The following UGT1A8 variants were observed in gnomAD, a reference collection of about 807,000 sequenced individuals.
UGT1A8 encodes UDP glucuronosyltransferase family 1 member A8.
UGT1A8 carries 39 observed loss-of-function variants against 45.3 expected under a neutral mutation model. That is an observed-to-expected ratio of 0.86 (90% CI 0.67 to 1.12). The LOEUF (loss-of-function observed/expected upper bound fraction) is 1.12, where lower values mean the gene tolerates loss of function less well. UGT1A8 is among the 50% of genes most tolerant of loss of function. The pLI, the probability that UGT1A8 is intolerant of heterozygous loss-of-function variation, is 0.00. For synonymous variants in UGT1A8, 275 were observed against 249.2 expected (o/e 1.10, Z -0.97); for missense variants, 719 against 664.9 (o/e 1.08, Z -0.90).
chr2:233,639,743 T>C (rs1426744162), intron 1 of UGT1A8, among the ~76,000 whole-genome samples: 1 of 152,170 alleles, frequency 6.6e-6, no homozygotes, highest in Non-Finnish European at 1.5e-5. Flanking sequence ...ACTTTAACAA[T>C]GATGGCAGAT....
chr2:233,757,535 A>AATATATATACATATACATAT (rs376887521), intron 1 of UGT1A8, among the ~76,000 whole-genome samples: 89 of 88,230 alleles, frequency 1.0e-3, no homozygotes, highest in African/African-American at 2.6e-3. Context: ...GCCTGTAAGG[A>AATATATATACATATACATAT]ATATATATAT....
At chr2:233,731,449 C>T (rs2078164021) in intron 1 of UGT1A8, among the ~76,000 whole-genome samples, 1 of 152,132 alleles carries the variant, frequency 6.6e-6, no homozygotes, top group South Asian at 2.1e-4. Flanking sequence ...CCCCACCCCA[C>T]AACAGGCCCT....
chr2:233,728,197 T>C (rs2077689695), intron 1 of UGT1A8, among the ~76,000 whole-genome samples: 1 of 152,224 alleles, frequency 6.6e-6, no homozygotes, highest in Non-Finnish European at 1.5e-5. Flanking sequence ...TGGTGCTGGA[T>C]TGACTTGGAG....
At chr2:233,622,678 C>T (rs1364972733) in intron 1 of UGT1A8, among the ~76,000 whole-genome samples, 1 of 152,102 alleles carries the variant, frequency 6.6e-6, no homozygotes, top group Non-Finnish European at 1.5e-5. Context: ...TCATAGGTTG[C>T]CTTTTCACTC....
intron 1 of UGT1A8, among the ~76,000 whole-genome samples, chr2:233,728,172 A>G (rs1397087886): frequency 6.6e-6 from 1 of 152,220 alleles, no homozygotes; most frequent in Admixed American, 6.5e-5. Context: ...TGGAGGAACC[A>G]TTCTTATCAG....
At chr2:233,625,786 C>T (rs1241102040) in intron 1 of UGT1A8, among the ~76,000 whole-genome samples, 2 of 151,686 alleles carry the variant, frequency 1.3e-5, no homozygotes, top group East Asian at 3.9e-4. Flanking sequence ...CTATGGACTA[C>T]TAAAGGGGAG....
At chr2:233,666,339 G>A (rs1221310923) in intron 1 of UGT1A8, among the ~76,000 whole-genome samples, 1 of 152,214 alleles carries the variant, frequency 6.6e-6, no homozygotes, top group Non-Finnish European at 1.5e-5. Flanking sequence ...GGGAGGGACA[G>A]ATAATTCAGC....
At chr2:233,749,234 A>T (rs1694147769) in intron 1 of UGT1A8, among the ~76,000 whole-genome samples, 1 of 151,936 alleles carries the variant, frequency 6.6e-6, no homozygotes, top group Admixed American at 6.5e-5. Flanking sequence ...CATTTTTTAA[A>T]ATCAAACCAC....
At chr2:233,759,139 A>C (rs1697067620) in intron 1 of UGT1A8, among the ~76,000 whole-genome samples, 1 of 152,242 alleles carries the variant, frequency 6.6e-6, no homozygotes, top group Non-Finnish European at 1.5e-5. Flanking sequence ...TACGCAATGA[A>C]GGTGAGTTCC....
chr2:233,631,059 C>T (rs2073177822), intron 1 of UGT1A8, among the ~76,000 whole-genome samples: 1 of 151,986 alleles, frequency 6.6e-6, no homozygotes, highest in Non-Finnish European at 1.5e-5. Context: ...TTGTCCAACT[C>T]CTACTTGCAA....
At chr2:233,660,872 C>T (rs1433336441) in intron 1 of UGT1A8, among the ~76,000 whole-genome samples, 1 of 152,092 alleles carries the variant, frequency 6.6e-6, no homozygotes, top group Non-Finnish European at 1.5e-5. Context: ...GCAGAAGTTG[C>T]TTCTGTTATC....
At chr2:233,719,146 G>A in intron 1 of UGT1A8, 2 of 1,614,266 alleles carry the variant, frequency 1.2e-6, no homozygotes, top group Non-Finnish European at 1.7e-6. Context: ...CTTCTGAAGA[G>A]ATATTCTAGA....
At chr2:233,682,337 G>C (rs753738317) in intron 1 of UGT1A8, 1 of 1,614,108 alleles carries the variant, frequency 6.2e-7, no homozygotes, top group African/African-American at 1.3e-5. Flanking sequence ...CCGAAAATTA[G>C]TAGAATACTT....
At chr2:233,627,106 C>T (rs2073097792) in intron 1 of UGT1A8, among the ~76,000 whole-genome samples, 4 of 152,060 alleles carry the variant, frequency 2.6e-5, no homozygotes. Flanking sequence ...TAGCCTATCC[C>T]TTCCTGCCTT....
At chr2:233,762,613 G>C (rs1698113480) in intron 1 of UGT1A8, among the ~76,000 whole-genome samples, 2 of 152,034 alleles carry the variant, frequency 1.3e-5, no homozygotes, top group South Asian at 4.1e-4. Flanking sequence ...GAGTTTTGTT[G>C]TTGTGACCTC....
chr2:233,718,950 A>C, intron 1 of UGT1A8: 2 of 1,614,178 alleles, frequency 1.2e-6, no homozygotes, highest in South Asian at 2.2e-5. Flanking sequence ...CTGGCTCAGC[A>C]TGCGGGAGGC....
chr2:233,730,336 A>G (rs552905312), intron 1 of UGT1A8, among the ~76,000 whole-genome samples: 1 of 152,310 alleles, frequency 6.6e-6, no homozygotes, highest in African/African-American at 2.4e-5. Flanking sequence ...TACGTTTGGA[A>G]CTGATCCATC....
intron 1 of UGT1A8, among the ~76,000 whole-genome samples, chr2:233,749,653 G>T (rs1694241075): frequency 1.3e-5 from 2 of 151,820 alleles, no homozygotes; most frequent in Admixed American, 6.5e-5. Context: ...ATCTTGAATT[G>T]TAATCCCCAT....
At chr2:233,695,979 G>A (rs568625801) in intron 1 of UGT1A8, among the ~76,000 whole-genome samples, 1 of 152,236 alleles carries the variant, frequency 6.6e-6, no homozygotes, top group African/African-American at 2.4e-5. Flanking sequence ...CAGTTCTGAA[G>A]ATGTCCACCT....
Sources: allele counts gnomAD v4.1 joint callset (sites outside exome capture counted in the v4.1 genomes callset), GRCh38; gene constraint gnomAD v4.1.1; transcripts MANE v1.5; gene names NCBI Gene and HGNC (gene_info 2026-07-23, HGNC 2026-07-21).